The following KTN1 variants were observed in gnomAD, a reference collection of about 807,000 sequenced individuals.
KTN1 encodes the protein kinectin 1, also known as kinectin.
A neutral mutation model predicts 222.5 loss-of-function variants in KTN1; 130 were observed. The ratio of observed to expected loss-of-function variants is 0.58; its 90% CI spans 0.51 to 0.68. The LOEUF (loss-of-function observed/expected upper bound fraction) is 0.68. Among genes scored for constraint, KTN1 ranks in the 30% least tolerant of loss-of-function variants. The probability of loss-of-function intolerance (pLI) is 0.00; values close to 1 mark genes in which losing one functional copy is unlikely to be tolerated. For missense variants in KTN1, 1,508 were observed against 1,500.4 expected, an observed-to-expected ratio of 1.01 and a Z score of -0.08; for synonymous variants, 512 against 496.3, an observed-to-expected ratio of 1.03 and a Z score of -0.42.
intron 1 of KTN1, among the ~76,000 whole-genome samples, chr14:55,591,695 T>G (rs2034177706): frequency 6.6e-6 from 1 of 151,320 alleles, no homozygotes; most frequent in African/African-American, 2.4e-5. Context: ...TTCAAGCGAT[T>G]CTCCTGCCTC....
chr14:55,661,408 A>AG (rs1595187230), intron 31 of KTN1, 114 bp from the exon 32 acceptor site: 6 of 598,104 alleles, frequency 1.0e-5, no homozygotes, highest in Middle Eastern at 9.0e-4. Context: ...GTACTTTTCA[A>AG]GGTGCTATCT....
chr14:55,657,401 T>TTTTTTTTTTG (rs2043610943), intron 29 of KTN1, among the ~76,000 whole-genome samples: 1 of 151,914 alleles, frequency 6.6e-6, no homozygotes, highest in South Asian at 2.1e-4. Context: ...GTTGACGTTT[T>TTTTTTTTTTG]TTTTTTTTTT....
At chr14:55,594,751 A>C in intron 1 of KTN1, among the ~76,000 whole-genome samples, 1 of 152,222 alleles carries the variant, frequency 6.6e-6, no homozygotes, top group East Asian at 1.9e-4. Context: ...ATGAAGACAA[A>C]TTTGTGTAGG....
intron 2 of KTN1, 57 bp downstream of exon 2, chr14:55,612,628 G>T: frequency 7.2e-7 from 1 of 1,392,420 alleles, no homozygotes; most frequent in East Asian, 2.4e-5. Flanking sequence ...GCTTGGAATT[G>T]AGATATTCTG....
Position 55,671,507 on chromosome 14 carries a change from T to G in KTN1, c.3349-59T>G, listed in dbSNP as rs900110206. ...TACAGTATTAAGTACTAAAACAAAC[T>G]TGAAGCATAAAACTTTCTGGTAGAA... is the stretch of plus-strand genomic sequence containing the variant. On this transcript the variant is annotated intron_variant, in intron 35 of 43. Coordinates refer to ENST00000395314, the MANE Select transcript of KTN1 (RefSeq NM_001079521.2). 6 of 1,290,406 alleles carry G rather than the reference T, an allele frequency of 4.6e-6. No homozygotes were observed. The African/African-American group carries it at 8.9e-5, about 19-fold the overall frequency. The allele number at this position is 1,290,406 out of a possible 1,614,324, so 79.9% of individuals were successfully genotyped here.
At chr14:55,639,294 A>G (rs780099002) in intron 13 of KTN1, 72 bp downstream of exon 13, 43 of 1,066,192 alleles carry the variant, frequency 4.0e-5, no homozygotes, top group Non-Finnish European at 5.3e-5. Flanking sequence ...TGCGACACTT[A>G]TGATTAACTT....
At chr14:55,636,408 G>T in intron 9 of KTN1, 41 bp from the exon 10 acceptor site, 6 of 1,451,454 alleles carry the variant, frequency 4.1e-6, no homozygotes, top group Non-Finnish European at 5.7e-6. Context: ...GAAATTCTGT[G>T]TTTGTGCTAA....
At chr14:55,648,632 GTTACAGAATTATAGACA>G (rs769224402) in intron 20 of KTN1, among the ~76,000 whole-genome samples, 153 bp from the exon 21 acceptor site, 17 of 152,248 alleles carry the variant, frequency 1.1e-4, no homozygotes, top group South Asian at 4.1e-4. Context: ...AGCTATAGAA[GTTACAGAATTATAGACA>G]TTACAGAATT....
At chr14:55,617,904 A>T in intron 3 of KTN1, 60 bp from the exon 4 acceptor site, 1 of 1,184,714 alleles carries the variant, frequency 8.4e-7, no homozygotes, top group Non-Finnish European at 1.2e-6. Flanking sequence ...TTATGCTTGC[A>T]TGTCATTTAC....
chr14:55,639,421 T>C (rs926158055), intron 13 of KTN1, among the ~76,000 whole-genome samples, 199 bp downstream of exon 13: 8 of 151,478 alleles, frequency 5.3e-5, no homozygotes, highest in African/African-American at 1.9e-4. Context: ...ACATTATATA[T>C]TCTGCTTTTA....
intron 1 of KTN1, among the ~76,000 whole-genome samples, chr14:55,598,270 C>T (rs2035378329): frequency 2.0e-5 from 3 of 151,946 alleles, no homozygotes; most frequent in Non-Finnish European, 2.9e-5. Flanking sequence ...CCCGTCTCTA[C>T]TAAATATACA....
intron 18 of KTN1, 118 bp downstream of exon 18, chr14:55,641,878 T>C (rs1258072850): frequency 1.5e-6 from 1 of 686,110 alleles, no homozygotes; most frequent in Non-Finnish European, 2.6e-6. Flanking sequence ...GATATGGCTG[T>C]TATTGCCTTT....
intron 3 of KTN1, 119 bp downstream of exon 3, chr14:55,616,773 T>A: frequency 1.3e-6 from 1 of 744,270 alleles, no homozygotes; most frequent in Non-Finnish European, 2.1e-6. Context: ...ATGACAACTG[T>A]AATACTAATG....
intron 1 of KTN1, among the ~76,000 whole-genome samples, chr14:55,610,631 A>T (rs2037407108): frequency 6.6e-6 from 1 of 152,232 alleles, no homozygotes; most frequent in South Asian, 2.1e-4. Context: ...ATTAACTTTA[A>T]TTTGCTTTAT....
At chr14:55,615,907 C>T (rs1408638167) in intron 2 of KTN1, among the ~76,000 whole-genome samples, 46 of 135,734 alleles carry the variant, frequency 3.4e-4, no homozygotes, top group Non-Finnish European at 6.3e-4. Flanking sequence ...TCTCTCTTTT[C>T]TTTCTTCTTT....
intron 28 of KTN1, among the ~76,000 whole-genome samples, chr14:55,653,981 C>T (rs2043197289): frequency 6.6e-6 from 1 of 151,996 alleles, no homozygotes; most frequent in Non-Finnish European, 1.5e-5. Context: ...ATAATCTTAG[C>T]CATAATCTTG....
chr14:55,599,084 T>C (rs78393484), intron 1 of KTN1, among the ~76,000 whole-genome samples: 9,190 of 152,320 alleles, frequency 0.06, 378 homozygotes, highest in South Asian at 0.09. Context: ...TATATAGTTA[T>C]CAGGCCATTT....
rs778074975 is a variant in KTN1 at position 55,679,672 on chromosome 14, C to T, written c.4056C>T (p.His1352=). The part of the protein sequence containing the change: ...VNQQLTKEKE[H]YQVLE The stretch of plus-strand genomic sequence containing the variant: ...AACAGCTCACAAAGGAGAAAGAGCA[C>T]TACCAGGTGTTAGGTAAGGACAACT... Residue 1352 remains histidine, a synonymous_variant, in exon 43 of 44, where the codon CAC becomes CAT. Coordinates refer to ENST00000395314, the MANE Select transcript of KTN1 (RefSeq NM_001079521.2). The T allele has an allele frequency of 7.4e-6, 12 of 1,613,882 alleles. No homozygotes were observed. Among genetic ancestry groups the T allele is most frequent in the South Asian group, 2.2e-5 (2 of 91,058 alleles).
intron 43 of KTN1, chr14:55,682,243 G>A (rs1161622107): frequency 6.6e-6 from 1 of 151,878 alleles, no homozygotes; most frequent in African/African-American, 2.4e-5. Flanking sequence ...CTTTTCTTTT[G>A]GAAATTTTTT....
Sources: gnomAD v4.1 joint callset for allele counts (sites outside exome capture counted in the v4.1 genomes callset) on GRCh38, gnomAD v4.1.1 for gene constraint, MANE v1.5 for transcripts, NCBI Gene and HGNC (gene_info 2026-07-23, HGNC 2026-07-21) for gene names.